The following SPAG16 variants were observed in gnomAD, a reference collection of about 807,000 sequenced individuals.
SPAG16 encodes the protein sperm associated antigen 16, also known as sperm-associated antigen 16 protein.
Under a neutral mutation model 80.4 loss-of-function variants are expected in SPAG16, and 86 were observed. That is an observed-to-expected ratio of 1.07 (90% CI 0.90 to 1.28). The LOEUF (loss-of-function observed/expected upper bound fraction) is 1.28. Ranked by LOEUF, SPAG16 falls within the 50% of genes most tolerant of loss-of-function variation. SPAG16 has a pLI of 0.00. For missense variants in SPAG16, 870 were observed against 765.3 expected (o/e 1.14, Z -1.61); for synonymous variants, 294 against 265.9 (o/e 1.11, Z -1.03).
At chr2:213,850,031 G>A (rs1330272023) in intron 10 of SPAG16, among the ~76,000 whole-genome samples, 1 of 152,182 alleles carries the variant, frequency 6.6e-6, no homozygotes, top group African/African-American at 2.4e-5. Flanking sequence ...TAAGGTAGCA[G>A]GAAGGTTCCA....
intron 11 of SPAG16, among the ~76,000 whole-genome samples, chr2:213,883,220 T>G (rs200431722): frequency 6.6e-6 from 1 of 152,234 alleles, no homozygotes; most frequent in Non-Finnish European, 1.5e-5. Context: ...CTATTTTAAT[T>G]AATTTCAATA....
intron 10 of SPAG16, among the ~76,000 whole-genome samples, chr2:213,844,616 G>T (rs2074520254): frequency 6.6e-6 from 1 of 152,016 alleles, no homozygotes. Context: ...CTTGTTTTTT[G>T]ATTTACGAGG....
intron 13 of SPAG16, among the ~76,000 whole-genome samples, chr2:214,015,314 T>A (rs1352461293): frequency 1.3e-5 from 2 of 152,082 alleles, no homozygotes; most frequent in Non-Finnish European, 2.9e-5. Context: ...AAGGGCTGGT[T>A]TCGGCTGGGT....
At chr2:213,718,161 A>AG (rs1177704512) in intron 10 of SPAG16, among the ~76,000 whole-genome samples, 2 of 151,174 alleles carry the variant, frequency 1.3e-5, no homozygotes, top group Non-Finnish European at 3.0e-5. Context: ...AAAAAAAAAA[A>AG]AAAAAAAAGA....
At chr2:213,963,559 T>G (rs1232493165) in intron 12 of SPAG16, among the ~76,000 whole-genome samples, 1 of 152,170 alleles carries the variant, frequency 6.6e-6, no homozygotes, top group African/African-American at 2.4e-5. Flanking sequence ...GTTTATAATG[T>G]TGCTCAAGTC....
At chr2:214,116,334 C>T (rs1195228356) in intron 14 of SPAG16, among the ~76,000 whole-genome samples, 2 of 152,194 alleles carry the variant, frequency 1.3e-5, no homozygotes, top group Non-Finnish European at 2.9e-5. Flanking sequence ...AGGAGACTTG[C>T]CCATATTCTC....
intron 10 of SPAG16, among the ~76,000 whole-genome samples, chr2:213,675,326 T>G (rs1401394585): frequency 6.6e-6 from 1 of 152,184 alleles, no homozygotes; most frequent in South Asian, 2.1e-4. Context: ...TTTCTCCCAT[T>G]TTGTGGGTTG....
intron 9 of SPAG16, among the ~76,000 whole-genome samples, chr2:213,451,884 C>T (rs752940147): frequency 6.6e-6 from 1 of 152,040 alleles, no homozygotes; most frequent in Non-Finnish European, 1.5e-5. Context: ...TGTGCCTGTT[C>T]CAGGCACTTT....
intron 11 of SPAG16, among the ~76,000 whole-genome samples, chr2:213,924,695 C>T (rs781501645): frequency 1.2e-4 from 18 of 152,110 alleles, no homozygotes; most frequent in Admixed American, 2.0e-4. Flanking sequence ...CTTTGTATCT[C>T]CTTAGAAGTT....
At chr2:213,756,662 G>A (rs1243431318) in intron 10 of SPAG16, among the ~76,000 whole-genome samples, 2 of 152,106 alleles carry the variant, frequency 1.3e-5, no homozygotes, top group African/African-American at 4.8e-5. Flanking sequence ...GGATCTCTGG[G>A]AGCGGGAACC....
intron 10 of SPAG16, among the ~76,000 whole-genome samples, chr2:213,835,473 A>G (rs1222129726): frequency 3.3e-5 from 5 of 152,182 alleles, no homozygotes; most frequent in African/African-American, 9.7e-5. Flanking sequence ...TTTGAATCTA[A>G]TAACACTTAT....
chr2:213,945,214 A>G (rs1016686439), intron 12 of SPAG16, among the ~76,000 whole-genome samples: 1 of 150,056 alleles, frequency 6.7e-6, no homozygotes, highest in Non-Finnish European at 1.5e-5. Context: ...ATATGCATGT[A>G]TCTATATATG....
chr2:213,489,881 A>G, intron 9 of SPAG16, 82 bp from the exon 10 acceptor site: 1 of 1,078,980 alleles, frequency 9.3e-7, no homozygotes, highest in Non-Finnish European at 1.3e-6. Context: ...TTTATGTTGT[A>G]ATTTAATATT....
intron 15 of SPAG16, among the ~76,000 whole-genome samples, chr2:214,298,344 T>C (rs1390843058): frequency 6.6e-6 from 1 of 151,822 alleles, no homozygotes; most frequent in East Asian, 1.9e-4. Flanking sequence ...TTTGGAAGAG[T>C]CTTAGGGTTT....
chr2:213,749,378 T>C (rs2067981177), intron 10 of SPAG16, among the ~76,000 whole-genome samples: 1 of 152,178 alleles, frequency 6.6e-6, no homozygotes, highest in Non-Finnish European at 1.5e-5. Context: ...ATTTGATGAT[T>C]TCATTATCAG....
chr2:214,141,127 T>A (rs2055336025), intron 14 of SPAG16, among the ~76,000 whole-genome samples: 1 of 152,164 alleles, frequency 6.6e-6, no homozygotes. Flanking sequence ...AGGGTTTGGA[T>A]TCAGCATTTT....
At chr2:213,682,010 A>C (rs1224643796) in intron 10 of SPAG16, among the ~76,000 whole-genome samples, 1 of 152,064 alleles carries the variant, frequency 6.6e-6, no homozygotes, top group Non-Finnish European at 1.5e-5. Flanking sequence ...ACCTTTAGGG[A>C]TCCTGTACCT....
chr2:213,917,820 G>T (rs1160639968), intron 11 of SPAG16, among the ~76,000 whole-genome samples: 1 of 152,072 alleles, frequency 6.6e-6, no homozygotes, highest in Non-Finnish European at 1.5e-5. Flanking sequence ...TGTAGAGTAG[G>T]GATGGTGAAG....
chr2:213,397,223 GC>G (rs139332371), intron 9 of SPAG16, among the ~76,000 whole-genome samples: 14,917 of 152,152 alleles, frequency 0.098, 1,907 homozygotes, highest in African/African-American at 0.29. Flanking sequence ...TGAATAAGGA[GC>G]CTGGGACTTG....
Sources: gnomAD v4.1 joint callset for allele counts (sites outside exome capture counted in the v4.1 genomes callset) on GRCh38, gnomAD v4.1.1 for gene constraint, MANE v1.5 for transcripts, NCBI Gene and HGNC (gene_info 2026-07-23, HGNC 2026-07-21) for gene names.